MGMT: variants seen among roughly 807,000 people sequenced by gnomAD.
MGMT encodes O-6-methylguanine-DNA methyltransferase.
A neutral mutation model predicts 15.9 loss-of-function variants in MGMT; 14 were observed. The observed-to-expected ratio is 0.88, with a 90% confidence interval of 0.58 to 1.37. MGMT has a LOEUF of 1.37. Ranked by LOEUF, MGMT falls within the 40% of genes most tolerant of loss-of-function variation. The pLI, the probability that MGMT is intolerant of heterozygous loss-of-function variation, is 0.00. For synonymous variants in MGMT, 130 were observed against 118.2 expected (o/e 1.10, Z -0.65); for missense variants, 282 against 268.1 (o/e 1.05, Z -0.36).
At chr10:129,511,167 T>C (rs112093701) in intron 1 of MGMT, among the ~76,000 whole-genome samples, 8,563 of 117,130 alleles carry the variant, frequency 0.073, 1,039 homozygotes, top group African/African-American at 0.26. Flanking sequence ...ACCCGGTATA[T>C]TAGATGCAGG....
At chr10:129,717,878 A>G (rs1262677661) in intron 3 of MGMT, 1 of 152,166 alleles carries the variant, frequency 6.6e-6, no homozygotes, top group East Asian at 1.9e-4. Context: ...TTCATGGCCC[A>G]ATGTGTATTT....
At chr10:129,629,345 CACAA>C (rs1437766980) in intron 2 of MGMT, among the ~76,000 whole-genome samples, 4 of 152,224 alleles carry the variant, frequency 2.6e-5, no homozygotes, top group African/African-American at 7.2e-5. Flanking sequence ...GCTACCTCTA[CACAA>C]ACAGACACAC....
At chr10:129,583,418 G>A (rs931123883) in intron 2 of MGMT, among the ~76,000 whole-genome samples, 7 of 152,152 alleles carry the variant, frequency 4.6e-5, no homozygotes, top group African/African-American at 1.7e-4. Flanking sequence ...ATTTTTGAAG[G>A]CAAATACTTT....
intron 2 of MGMT, among the ~76,000 whole-genome samples, chr10:129,638,816 A>G (rs979588161): frequency 3.9e-5 from 6 of 152,230 alleles, no homozygotes; most frequent in Non-Finnish European, 8.8e-5. Context: ...AAATCCAAAT[A>G]TACGCCACTC....
At chr10:129,639,684 AGT>A (rs1381726261) in intron 2 of MGMT, among the ~76,000 whole-genome samples, 3 of 152,178 alleles carry the variant, frequency 2.0e-5, no homozygotes, top group Non-Finnish European at 1.5e-5. Flanking sequence ...TGCGGCTAAA[AGT>A]GTGCTTTGAG....
At chr10:129,473,788 G>T (rs1487480674) in intron 1 of MGMT, among the ~76,000 whole-genome samples, 4 of 152,230 alleles carry the variant, frequency 2.6e-5, no homozygotes, top group Non-Finnish European at 5.9e-5. Flanking sequence ...CGTAGCTGAG[G>T]CTGGGTGCAG....
intron 1 of MGMT, among the ~76,000 whole-genome samples, chr10:129,499,640 T>C (rs1845555612): frequency 6.6e-6 from 1 of 152,240 alleles, no homozygotes; most frequent in Non-Finnish European, 1.5e-5. Flanking sequence ...AACAGAAATA[T>C]TGAAAATTCA....
intron 3 of MGMT, among the ~76,000 whole-genome samples, chr10:129,708,715 G>A (rs376611464): frequency 5.4e-4 from 82 of 152,280 alleles, no homozygotes; most frequent in African/African-American, 1.9e-3. Context: ...ATTTTGCATA[G>A]TGAGTTTTTC....
At chr10:129,686,704 G>A (rs922008608) in intron 2 of MGMT, among the ~76,000 whole-genome samples, 1 of 152,192 alleles carries the variant, frequency 6.6e-6, no homozygotes, top group African/African-American at 2.4e-5. Context: ...CATTTAAGGA[G>A]GTCACCTGTC....
At chr10:129,506,214 C>G (rs1224632030) in intron 1 of MGMT, among the ~76,000 whole-genome samples, 1 of 152,086 alleles carries the variant, frequency 6.6e-6, no homozygotes, top group African/African-American at 2.4e-5. Context: ...GAGGAATTCT[C>G]TCTCCTGCAA....
chr10:129,646,610 G>A (rs1156377778), intron 2 of MGMT, among the ~76,000 whole-genome samples: 4 of 150,584 alleles, frequency 2.7e-5, no homozygotes, highest in South Asian at 2.1e-4. Context: ...TTAGCTAGAC[G>A]TTTCCATCCC....
intron 2 of MGMT, among the ~76,000 whole-genome samples, chr10:129,637,066 G>T (rs565177792): frequency 9.2e-5 from 14 of 152,284 alleles, no homozygotes; most frequent in African/African-American, 3.4e-4. Flanking sequence ...ACCTGTTTAG[G>T]CAGAAGCACC....
At chr10:129,641,599 A>C (rs1332194317) in intron 2 of MGMT, among the ~76,000 whole-genome samples, 1 of 152,212 alleles carries the variant, frequency 6.6e-6, no homozygotes, top group Non-Finnish European at 1.5e-5. Flanking sequence ...ACAAGATAGA[A>C]GCTTTACATT....
chr10:129,759,383 C>T lies in MGMT; in HGVS notation c.414+42C>T, dbSNP rs760101264. 6 of 1,612,500 alleles carry T rather than the reference C, an allele frequency of 3.7e-6. 1 individual carries two copies. The highest frequency in any genetic ancestry group is 1.7e-4 in the Middle Eastern group (1 of 5,730). Reference sequence around the variant, plus strand: ...CAAGCATGGCTGTGGGTGGCGGGTGCGTGCAGGTGGCAGGGTGTCATCTGA... The same window carrying T: ...CAAGCATGGCTGTGGGTGGCGGGTGTGTGCAGGTGGCAGGGTGTCATCTGA... On this transcript the variant is annotated intron_variant, in intron 4 of 4. Transcript: ENST00000651593.
chr10:129,487,982 C>CACACAT, intron 1 of MGMT, among the ~76,000 whole-genome samples: 1 of 127,684 alleles, frequency 7.8e-6, no homozygotes, highest in South Asian at 2.7e-4. Flanking sequence ...CGCAGGTATA[C>CACACAT]ACACACACAC....
chr10:129,739,055 A>G (rs193100397), intron 3 of MGMT, among the ~76,000 whole-genome samples: 244 of 152,350 alleles, frequency 1.6e-3, no homozygotes, highest in Admixed American at 4.6e-3. Context: ...GACAAAAACC[A>G]TATGATTATC....
intron 3 of MGMT, among the ~76,000 whole-genome samples, chr10:129,714,822 G>T (rs572680977): frequency 6.6e-6 from 1 of 152,164 alleles, no homozygotes; most frequent in Non-Finnish European, 1.5e-5. Context: ...AGGGGTGCTC[G>T]GCTCCTGGTC....
At chr10:129,503,187 T>G (rs1845592638) in intron 1 of MGMT, among the ~76,000 whole-genome samples, 1 of 152,134 alleles carries the variant, frequency 6.6e-6, no homozygotes, top group Non-Finnish European at 1.5e-5. Flanking sequence ...TGATGGATGA[T>G]GCAGGAAAGT....
intron 2 of MGMT, among the ~76,000 whole-genome samples, chr10:129,577,426 GA>G (rs1324191205): frequency 5.3e-5 from 8 of 152,300 alleles, no homozygotes; most frequent in Admixed American, 5.2e-4. Context: ...ACAAAAAGAA[GA>G]AATGGGGAAA....
Sources: allele counts gnomAD v4.1 joint callset (sites outside exome capture counted in the v4.1 genomes callset), GRCh38; gene constraint gnomAD v4.1.1; transcripts MANE v1.5; gene names NCBI Gene and HGNC (gene_info 2026-07-23, HGNC 2026-07-21).